The following SYNE2 variants were observed in gnomAD, a reference collection of about 807,000 sequenced individuals.
SYNE2 encodes nesprin-2.
SYNE2 carries 431 observed loss-of-function variants against 856.3 expected under a neutral mutation model. The ratio of observed to expected loss-of-function variants is 0.50; its 90% CI spans 0.47 to 0.55. SYNE2 has a LOEUF of 0.55. Among genes scored for constraint, SYNE2 ranks in the 20% least tolerant of loss-of-function variants. The pLI is 0.00. For missense variants in SYNE2, 8,129 were observed against 8,023.2 expected (o/e 1.01, Z -0.50); for synonymous variants, 2,923 against 2,872.3 (o/e 1.02, Z -0.56).
Position 64,031,374 on chromosome 14 carries a change from G to A in SYNE2, c.7221+17G>A. 8 of 1,605,454 alleles carry A rather than the reference G, an allele frequency of 5.0e-6. No homozygotes were observed. The highest frequency in any genetic ancestry group is 6.8e-6 in the Non-Finnish European group (8 of 1,172,470). On this transcript the variant is annotated intron_variant, in intron 45 of 115. Coordinates refer to ENST00000555002, the MANE Select transcript of SYNE2 (RefSeq NM_182914.3). ...ATAAACAAGGTAAGTGCTTGTGATTGCACTTTCAAGACAGTGAGTCTGAGA... is the reference window on the plus strand; with the variant it reads ...ATAAACAAGGTAAGTGCTTGTGATTACACTTTCAAGACAGTGAGTCTGAGA...
intron 1 of SYNE2, among the ~76,000 whole-genome samples, chr14:63,858,262 C>CTTTTTTTTTTTTTTTT (rs61091259): frequency 5.7e-5 from 3 of 52,932 alleles, no homozygotes; most frequent in East Asian, 6.7e-4. Context: ...CCACACCGGC[C>CTTTTTTTTTTTTTTTT]TTTTTTTTTT....
chr14:63,910,670 C>T (rs1157629580), intron 2 of SYNE2, among the ~76,000 whole-genome samples: 1 of 152,166 alleles, frequency 6.6e-6, no homozygotes, highest in Non-Finnish European at 1.5e-5. Flanking sequence ...ATTCTTTGAA[C>T]TTGGAGGAGA....
At chr14:64,161,510 A>G (rs1177904742) in intron 87 of SYNE2, among the ~76,000 whole-genome samples, 2 of 152,184 alleles carry the variant, frequency 1.3e-5, no homozygotes, top group East Asian at 3.8e-4. Context: ...AAGATAGCAT[A>G]TCTCTATAAA....
At position 64,077,115 on chromosome 14, in the gene SYNE2, G is replaced by A. The variant is rs117434341; in HGVS notation, c.11022+1015G>A. 2.5e-4 allele frequency among the ~76,000 whole-genome samples: 38 copies of A among 152,078 alleles called. No homozygotes were observed. The East Asian group carries it at 6.4e-3, about 26-fold the overall frequency. ...TTCAAATTCAAGGTAGAAAATTTCCGCTATGACCCTCTATATTTGTAACAA... is the reference window on the plus strand; with the variant it reads ...TTCAAATTCAAGGTAGAAAATTTCCACTATGACCCTCTATATTTGTAACAA... On this transcript the variant is annotated intron_variant, in intron 54 of 115. Transcript: ENST00000555002.
chr14:64,097,066 T>C (rs1280549974), intron 61 of SYNE2, among the ~76,000 whole-genome samples: 2 of 152,236 alleles, frequency 1.3e-5, no homozygotes, highest in African/African-American at 4.8e-5. Context: ...ATTTGTCACC[T>C]GCTGTTTCTT....
At chr14:64,220,671 G>A (rs764039095) in intron 111 of SYNE2, 34 bp downstream of exon 111, 17 of 1,610,034 alleles carry the variant, frequency 1.1e-5, no homozygotes, top group South Asian at 7.7e-5. Context: ...TCCCAGAGCC[G>A]GTACCCAGGC....
intron 104 of SYNE2, 102 bp from the exon 105 acceptor site, chr14:64,212,706 CAAT>C (rs2098647490): frequency 3.8e-6 from 4 of 1,062,512 alleles, no homozygotes; most frequent in Non-Finnish European, 5.8e-6. Flanking sequence ...AGGAAAACAA[CAAT>C]AATGACATTT....
intron 101 of SYNE2, 47 bp from the exon 102 acceptor site, chr14:64,209,381 C>T: frequency 6.2e-7 from 1 of 1,614,104 alleles, no homozygotes; most frequent in Non-Finnish European, 8.5e-7. Flanking sequence ...TGCAAAAGCA[C>T]AGGCTTGGAG....
chr14:64,137,342 G>C (rs1020599722), intron 78 of SYNE2, among the ~76,000 whole-genome samples: 1 of 152,176 alleles, frequency 6.6e-6, no homozygotes, highest in African/African-American at 2.4e-5. Context: ...TGGGATTACA[G>C]GTGTGCGCCA....
chr14:64,053,218 TAAAG>T lies in SYNE2; in HGVS notation c.9309_9312del (p.Lys3103AsnfsTer2). ...GCCAAGTGTTTATGTGATGAGATAA[TAAAG>T]AAATTAAATGAAAATAAGACCTTTG... On this transcript the variant is annotated frameshift_variant, in exon 48 of 116. Transcript: ENST00000555002. LOFTEE classifies it high-confidence loss of function. 6.2e-7 allele frequency: 1 copy of T among 1,612,778 alleles called. No individual in the cohort carries two copies. The highest frequency in any genetic ancestry group is 8.5e-7 in the Non-Finnish European group (1 of 1,179,618).
At chr14:64,060,791 A>T (rs2097310792) in intron 49 of SYNE2, among the ~76,000 whole-genome samples, 1 of 152,140 alleles carries the variant, frequency 6.6e-6, no homozygotes, top group African/African-American at 2.4e-5. Context: ...CTTTAGCCCA[A>T]GGTGGCGAGG....
chr14:63,826,324 C>T (rs1452980662), intron 1 of SYNE2, among the ~76,000 whole-genome samples: 1 of 151,630 alleles, frequency 6.6e-6, no homozygotes, highest in African/African-American at 2.4e-5. Flanking sequence ...TTTTTGAGAC[C>T]GAGTCTCGCT....
chr14:63,994,178 G>GGT (rs1198364838), intron 22 of SYNE2, among the ~76,000 whole-genome samples: 2 of 152,098 alleles, frequency 1.3e-5, no homozygotes, highest in African/African-American at 4.8e-5. Flanking sequence ...CAGCAGCTAT[G>GGT]ACCCTGGGCA....
chr14:63,921,656 G>A (rs781761804), intron 2 of SYNE2, among the ~76,000 whole-genome samples: 4 of 152,182 alleles, frequency 2.6e-5, no homozygotes, highest in Non-Finnish European at 2.9e-5. Flanking sequence ...ATACGTAAGT[G>A]GCCTAGGTGA....
rs561309027 is a variant in SYNE2 at position 63,927,485 on chromosome 14, T to C, written c.80-13129T>C. Among the ~76,000 whole-genome samples the C allele has an allele frequency of 4.5e-4, 68 of 152,324 alleles. 1 individual carries two copies. The highest frequency in any genetic ancestry group is 2.1e-4 in the South Asian group (1 of 4,828). On this transcript the variant is annotated intron_variant, in intron 2 of 115. Coordinates refer to ENST00000555002, the MANE Select transcript of SYNE2 (RefSeq NM_182914.3). ...CAGTGGGAGATAATTGAATTGTAGG[T>C]GCAGCTTCCCCCATACTATTCTCGT...
Position 63,986,760 on chromosome 14 carries a change from T to C in SYNE2, c.2313+143T>C, listed in dbSNP as rs1363292008. 5.4e-6 allele frequency: 5 copies of C among 924,780 alleles called. No individual in the cohort carries two copies. In the Admixed American group the frequency reaches 1.1e-4, roughly 20 times the overall value. The allele number at this position is 924,780 out of a possible 1,614,324, so 57.3% of individuals were successfully genotyped here. A position where few individuals can be genotyped will look rare whatever the true frequency, so the allele number is the denominator to read the frequency against. ...GAGTTTTAAAAATGAATGGATTTTA[T>C]CCCTGGATCATTTGCTGTTATTTTG... On this transcript the variant is annotated intron_variant, in intron 19 of 115. Transcript: ENST00000555002.
chr14:63,852,029 C>A (rs1161789135), upstream of SYNE2, among the ~76,000 whole-genome samples: 4 of 70,482 alleles, frequency 5.7e-5, no homozygotes, highest in African/African-American at 1.9e-4. Flanking sequence ...GGGGTTGAGG[C>A]TGGAGGATAT....
intron 76 of SYNE2, among the ~76,000 whole-genome samples, chr14:64,130,642 T>C (rs1013412046): frequency 1.3e-5 from 2 of 152,098 alleles, no homozygotes; most frequent in African/African-American, 4.8e-5. Context: ...CCCAGCACTT[T>C]GGGAGGCTGA....
rs1175654800 is a variant in SYNE2 at position 64,216,228 on chromosome 14, C to G, written c.19403-20C>G. ...TTCAGTAGGAGAGAATAGACTGTCGCTTGCTGTCTTTCGTTTCAGGTAAAT... is the reference window on the plus strand; with the variant it reads ...TTCAGTAGGAGAGAATAGACTGTCGGTTGCTGTCTTTCGTTTCAGGTAAAT... On this transcript the variant is annotated intron_variant, in intron 107 of 115. Transcript: ENST00000555002. The G allele has an allele frequency of 6.2e-7, 1 of 1,613,882 alleles. No individual in the cohort carries two copies. Among genetic ancestry groups the G allele is most frequent in the East Asian group, 2.2e-5 (1 of 44,904 alleles).
Sources: gnomAD v4.1 joint callset for allele counts (sites outside exome capture counted in the v4.1 genomes callset) on GRCh38, gnomAD v4.1.1 for gene constraint, MANE v1.5 for transcripts, NCBI Gene and HGNC (gene_info 2026-07-23, HGNC 2026-07-21) for gene names.